KLF12: variants seen among roughly 807,000 people sequenced by gnomAD.
The protein encoded by KLF12 is KLF transcription factor 12.
KLF12 carries 9 observed loss-of-function variants against 37.8 expected under a neutral mutation model. The observed-to-expected ratio is 0.24, with a 90% CI of 0.14 to 0.42. The LOEUF (loss-of-function observed/expected upper bound fraction) is 0.42. KLF12 is among the 10% of genes least tolerant of loss of function. KLF12 has a pLI of 1.00. For missense variants in KLF12, 411 were observed against 516.0 expected, an observed-to-expected ratio of 0.80 and a Z score of 1.97; for synonymous variants, 208 against 202.1, an observed-to-expected ratio of 1.03 and a Z score of -0.25.
the KLF12 span, among the ~76,000 whole-genome samples, chr13:74,142,444 A>G: frequency 6.6e-6 from 1 of 152,218 alleles, no homozygotes; most frequent in Non-Finnish European, 1.5e-5. Context: ...GTGACCTTTG[A>G]CAGGTTGCTT....
chr13:73,758,984 A>T (rs1171059565), intron 6 of KLF12, among the ~76,000 whole-genome samples: 1 of 152,192 alleles, frequency 6.6e-6, no homozygotes, highest in Non-Finnish European at 1.5e-5. Flanking sequence ...TTGAGGAGGT[A>T]AAGTCATTAA....
At position 73,716,672 on chromosome 13, in the gene KLF12, C is replaced by A. The variant is rs569903661; in HGVS notation, c.870-1147G>T. Among the ~76,000 whole-genome samples the A allele has an allele frequency of 9.2e-4, 140 of 152,106 alleles. 2 individuals are homozygous for A. Among genetic ancestry groups the A allele is most frequent in the African/African-American group, 3.3e-3 (136 of 41,496 alleles). ...ATACAAATCTGCATTTACAGACATT[C>A]ATTTTTTTTGTGTGTTTTTTAAGTC... On this transcript the variant is annotated intron_variant, in intron 6 of 7. Coordinates refer to ENST00000377669, the MANE Select transcript of KLF12 (RefSeq NM_007249.5).
chr13:73,756,997 T>C (rs1436953271), intron 6 of KLF12, among the ~76,000 whole-genome samples: 1 of 152,238 alleles, frequency 6.6e-6, no homozygotes. Context: ...GGCAGCCATA[T>C]TCAGTTAGTT....
chr13:74,255,992 A>T, the KLF12 span, among the ~76,000 whole-genome samples: 3 of 152,072 alleles, frequency 2.0e-5, no homozygotes, highest in Admixed American at 1.3e-4. Flanking sequence ...CGTCTCTGCT[A>T]AAAATACAAA....
intron 3 of KLF12, among the ~76,000 whole-genome samples, chr13:73,928,510 A>G (rs935252108): frequency 6.6e-6 from 1 of 152,202 alleles, no homozygotes; most frequent in Non-Finnish European, 1.5e-5. Flanking sequence ...TCTTTATACC[A>G]CAAACACTGA....
chr13:73,715,220 A>G, intron 7 of KLF12, 148 bp downstream of exon 7: 2 of 563,514 alleles, frequency 3.5e-6, no homozygotes, highest in South Asian at 6.5e-5. Flanking sequence ...CTCTTTCTCA[A>G]GAGAGAGAGA....
At chr13:73,836,900 T>C (rs1461111762) in intron 4 of KLF12, among the ~76,000 whole-genome samples, 1 of 152,188 alleles carries the variant, frequency 6.6e-6, no homozygotes, top group Non-Finnish European at 1.5e-5. Flanking sequence ...GTCTTTTTAT[T>C]ATAGGAGAAA....
At chr13:73,723,747 T>C (rs1302013870) in intron 6 of KLF12, among the ~76,000 whole-genome samples, 1 of 152,052 alleles carries the variant, frequency 6.6e-6, no homozygotes, top group Admixed American at 6.6e-5. Context: ...TACTCAAGAG[T>C]GAAGAGTCTT....
At chr13:74,288,467 C>T in the KLF12 span, among the ~76,000 whole-genome samples, 1 of 152,150 alleles carries the variant, frequency 6.6e-6, no homozygotes. Context: ...CTTCATTCAG[C>T]ACAGGAACAA....
At chr13:74,235,263 C>T in the KLF12 span, among the ~76,000 whole-genome samples, 1 of 152,068 alleles carries the variant, frequency 6.6e-6, no homozygotes, top group Non-Finnish European at 1.5e-5. Context: ...CATGCAGGTG[C>T]TATTTGTAGT....
chr13:74,108,998 T>C (rs1291370712), intron 1 of KLF12, among the ~76,000 whole-genome samples: 6 of 152,080 alleles, frequency 3.9e-5, no homozygotes, highest in Non-Finnish European at 8.8e-5. Context: ...GAATTTTCCA[T>C]AAAATCCAAA....
At chr13:73,722,116 A>T (rs1328740906) in intron 6 of KLF12, among the ~76,000 whole-genome samples, 1 of 152,214 alleles carries the variant, frequency 6.6e-6, no homozygotes, top group African/African-American at 2.4e-5. Flanking sequence ...ATTATTTAAA[A>T]TAAGACATTG....
chr13:74,123,908 C>T (rs1217645893), intron 1 of KLF12, among the ~76,000 whole-genome samples: 1 of 152,176 alleles, frequency 6.6e-6, no homozygotes, highest in African/African-American at 2.4e-5. Context: ...TTTTAGTGTT[C>T]TCATCAGTTA....
At chr13:74,174,726 T>A in the KLF12 span, among the ~76,000 whole-genome samples, 1 of 152,224 alleles carries the variant, frequency 6.6e-6, no homozygotes. Context: ...CGTCTCTCAG[T>A]GCTTTCTACA....
chr13:73,876,439 C>T (rs1426298184), intron 3 of KLF12, among the ~76,000 whole-genome samples: 1 of 152,192 alleles, frequency 6.6e-6, no homozygotes, highest in Non-Finnish European at 1.5e-5. Flanking sequence ...GGACAATCTC[C>T]CTTTCTTAAA....
chr13:73,741,411 G>A (rs1370663400), intron 6 of KLF12, among the ~76,000 whole-genome samples: 5 of 152,140 alleles, frequency 3.3e-5, no homozygotes, highest in East Asian at 1.9e-4. Context: ...GGTTTCAAAG[G>A]CTTAGATGCT....
chr13:73,793,581 GA>G (rs1881806558), intron 5 of KLF12, among the ~76,000 whole-genome samples: 1 of 152,150 alleles, frequency 6.6e-6, no homozygotes. Context: ...CCTGGATTAA[GA>G]CTCCTTTCCA....
At chr13:73,860,039 G>A (rs1885834065) in intron 3 of KLF12, among the ~76,000 whole-genome samples, 1 of 152,148 alleles carries the variant, frequency 6.6e-6, no homozygotes, top group Non-Finnish European at 1.5e-5. Flanking sequence ...AGGACAATAA[G>A]TGAGAAGAAA....
intron 7 of KLF12, among the ~76,000 whole-genome samples, chr13:73,698,971 T>A (rs1454134894): frequency 6.6e-6 from 1 of 152,182 alleles, no homozygotes; most frequent in Non-Finnish European, 1.5e-5. Flanking sequence ...GGATCCTCGA[T>A]TCAAATTCTA....
Sources: gnomAD v4.1 joint callset for allele counts (sites outside exome capture counted in the v4.1 genomes callset) on GRCh38, gnomAD v4.1.1 for gene constraint, MANE v1.5 for transcripts, NCBI Gene and HGNC (gene_info 2026-07-23, HGNC 2026-07-21) for gene names.